Variants in GRK5 observed in about 807,000 individuals in gnomAD.
GRK5 encodes the protein g protein-coupled receptor kinase GRK5.
In GRK5, 40 loss-of-function variants were observed where a neutral mutation model predicts 78.4. That is an observed-to-expected ratio of 0.51 (90% CI 0.40 to 0.66). The LOEUF (loss-of-function observed/expected upper bound fraction) is 0.66, where lower values mean the gene tolerates loss of function less well. Ranked by LOEUF, GRK5 falls within the 30% of genes least tolerant of loss-of-function variation. The probability of loss-of-function intolerance (pLI) is 0.00; values close to 1 mark genes in which losing one functional copy is unlikely to be tolerated. For synonymous variants in GRK5, 289 were observed against 296.8 expected (o/e 0.97, Z 0.27); for missense variants, 598 against 759.9 (o/e 0.79, Z 2.50).
rs997066889 is a variant in GRK5, at chr10:119,264,333, A to G, written c.52+56364A>G. Reference sequence around the variant, plus strand: ...AAACCTCCAGGGCATTTGTTGGCACATGTGCTTGGGAAGTTGAGTCCTGGG... The same window carrying G: ...AAACCTCCAGGGCATTTGTTGGCACGTGTGCTTGGGAAGTTGAGTCCTGGG... On this transcript the variant is annotated intron_variant, in intron 1 of 15. Transcript: ENST00000392870. The surrounding 1 kb of genome is among the most constrained non-coding windows in gnomAD (Gnocchi z 4.1). 3.9e-5 allele frequency among the ~76,000 whole-genome samples: 6 copies of G among 152,168 alleles called. No homozygotes were observed. The highest frequency in any genetic ancestry group is 7.3e-5 in the Non-Finnish European group (5 of 68,034).
intron 1 of GRK5, among the ~76,000 whole-genome samples, chr10:119,256,249 G>A (rs547652671): frequency 3.9e-5 from 6 of 152,080 alleles, no homozygotes; most frequent in African/African-American, 9.7e-5. Context: ...CTGCATTCCC[G>A]GCCAGATTTG....
chr10:119,216,613 A>G (rs1816777697), intron 1 of GRK5, among the ~76,000 whole-genome samples: 1 of 152,216 alleles, frequency 6.6e-6, no homozygotes, highest in Non-Finnish European at 1.5e-5. Flanking sequence ...GTTCAAGACC[A>G]GCGTGGGCAG....
intron 1 of GRK5, among the ~76,000 whole-genome samples, chr10:119,237,765 T>A (rs1227742829): frequency 2.6e-5 from 4 of 152,096 alleles, no homozygotes; most frequent in African/African-American, 9.7e-5. Context: ...CCTTCCCCAC[T>A]CCCCATGGGA....
intron 1 of GRK5, among the ~76,000 whole-genome samples, chr10:119,248,995 G>A (rs558067228): frequency 2.0e-5 from 3 of 152,270 alleles, no homozygotes; most frequent in South Asian, 2.1e-4. Context: ...CTAGCTGGGC[G>A]CGGTGGCTCA....
chr10:119,231,706 CAA>C (rs797013887), intron 1 of GRK5, among the ~76,000 whole-genome samples: 2,769 of 60,588 alleles, frequency 0.046, 50 homozygotes, highest in South Asian at 0.13. Flanking sequence ...GACTCTGCCT[CAA>C]AAAAAAAAAA....
chr10:119,361,265 C>T (rs931085051), intron 2 of GRK5, among the ~76,000 whole-genome samples: 1 of 152,120 alleles, frequency 6.6e-6, no homozygotes, highest in East Asian at 1.9e-4. Context: ...AGTGTCTGGG[C>T]GCCTGGTGCG....
chr10:119,317,720 G>A (rs1290463555), intron 1 of GRK5, among the ~76,000 whole-genome samples: 1 of 152,124 alleles, frequency 6.6e-6, no homozygotes, highest in Non-Finnish European at 1.5e-5. Flanking sequence ...TCTGGAGCTG[G>A]GAGGAATATT....
chr10:119,451,563 A>G (rs989808975), intron 13 of GRK5, among the ~76,000 whole-genome samples: 7 of 152,202 alleles, frequency 4.6e-5, no homozygotes, highest in Non-Finnish European at 7.3e-5. Flanking sequence ...GCTTCCAGCT[A>G]AAAGTCCGCT....
Position 119,399,427 on chromosome 10 carries a change from A to T in GRK5, c.339+2655A>T, listed in dbSNP as rs74362354. 4.2e-3 allele frequency among the ~76,000 whole-genome samples: 641 copies of T among 152,264 alleles called. 39 individuals carry two copies. In the East Asian group the frequency reaches 0.11, roughly 27 times the overall value. ...ACTGAGGCCCCAGCACTGGCTCAGA[A>T]GACTTTGACCAACTGCAAAGCCACT... is the stretch of plus-strand genomic sequence containing the variant. On this transcript the variant is annotated intron_variant, in intron 4 of 15. Transcript: ENST00000392870.
At chr10:119,365,015 C>T (rs750982707) in intron 2 of GRK5, among the ~76,000 whole-genome samples, 5 of 152,076 alleles carry the variant, frequency 3.3e-5, no homozygotes, top group Admixed American at 6.5e-5. Context: ...TCAGGTTTAG[C>T]GTCAGTTACA....
intron 12 of GRK5, among the ~76,000 whole-genome samples, chr10:119,444,374 G>A (rs903543707): frequency 3.3e-5 from 5 of 152,148 alleles, no homozygotes; most frequent in African/African-American, 7.2e-5. Flanking sequence ...AGTGACAGGA[G>A]CCATTGGAAG....
rs1008726248 is a variant in GRK5 at position 119,459,443 on chromosome 10, A to G, written c.*4376A>G. On this transcript the variant is annotated 3_prime_UTR_variant, in exon 16 of 16. Coordinates refer to ENST00000392870, the MANE Select transcript of GRK5 (RefSeq NM_005308.3). Reference sequence around the variant, plus strand: ...TTTAGATGTCTTTCCCTAGTCCATCAAGAAGTCATTTTTGTAACAGTCCCT... The same window carrying G: ...TTTAGATGTCTTTCCCTAGTCCATCGAGAAGTCATTTTTGTAACAGTCCCT... 3.3e-5 allele frequency: 5 copies of G among 152,246 alleles called. No individual in the cohort carries two copies. The highest frequency in any genetic ancestry group is 7.3e-5 in the Non-Finnish European group (5 of 68,046). The allele number at this position is 152,246 out of a possible 1,614,324, so 9.4% of individuals were successfully genotyped here. A position where few individuals can be genotyped will look rare whatever the true frequency, so the allele number is the denominator to read the frequency against.
intron 8 of GRK5, among the ~76,000 whole-genome samples, chr10:119,435,966 C>A (rs1852910744): frequency 1.3e-5 from 2 of 152,170 alleles, no homozygotes; most frequent in Non-Finnish European, 2.9e-5. Context: ...AGAATGAGAA[C>A]CAAGTGAAAT....
chr10:119,414,155 C>T (rs762827012), intron 4 of GRK5, among the ~76,000 whole-genome samples: 1 of 152,210 alleles, frequency 6.6e-6, no homozygotes. Context: ...AAAGCTGAGC[C>T]TGTCCACGTT....
At chr10:119,396,377 C>T (rs773972587) in intron 3 of GRK5, among the ~76,000 whole-genome samples, 7 of 152,238 alleles carry the variant, frequency 4.6e-5, no homozygotes, top group Non-Finnish European at 8.8e-5. Context: ...CCTCATGGCC[C>T]ACTGGAAAGC....
At chr10:119,377,710 G>C (rs1232438354) in intron 2 of GRK5, among the ~76,000 whole-genome samples, 2 of 151,114 alleles carry the variant, frequency 1.3e-5, no homozygotes, top group Non-Finnish European at 3.0e-5. Context: ...CATATGGAGA[G>C]AAAAAAAAAT....
intron 3 of GRK5, among the ~76,000 whole-genome samples, chr10:119,393,983 GTA>G (rs1173081864): frequency 2.4e-4 from 36 of 149,448 alleles, no homozygotes; most frequent in Non-Finnish European, 4.0e-4. Flanking sequence ...GTGTGTGTGG[GTA>G]TGTGTGTGTG....
intron 4 of GRK5, among the ~76,000 whole-genome samples, chr10:119,418,848 A>T (rs1286791242): frequency 6.6e-6 from 1 of 152,034 alleles, no homozygotes; most frequent in African/African-American, 2.4e-5. Flanking sequence ...CACCACCAAG[A>T]CCCCTTCCAA....
chr10:119,236,023 C>T, intron 1 of GRK5, among the ~76,000 whole-genome samples: 1 of 152,168 alleles, frequency 6.6e-6, no homozygotes, highest in Non-Finnish European at 1.5e-5. Context: ...TCCCTTAGAC[C>T]GTGGCTGCTG....
Sources: allele counts gnomAD v4.1 joint callset (sites outside exome capture counted in the v4.1 genomes callset), GRCh38; gene constraint gnomAD v4.1.1; non-coding constraint Gnocchi (gnomAD v3.1); transcripts MANE v1.5; gene names NCBI Gene and HGNC (gene_info 2026-07-23, HGNC 2026-07-21).